The following CNOT10 variants were observed in gnomAD, a reference collection of about 807,000 sequenced individuals.
CNOT10 encodes CCR4-NOT transcription complex subunit 10.
CNOT10 carries 30 observed loss-of-function variants against 94.6 expected under a neutral mutation model. That is an observed-to-expected ratio of 0.32 (90% CI 0.24 to 0.43). CNOT10 has a LOEUF of 0.43. Among genes scored for constraint, CNOT10 ranks in the 20% least tolerant of loss-of-function variants. CNOT10 has a pLI of 1.00. For synonymous variants in CNOT10, 289 were observed against 301.6 expected (o/e 0.96, Z 0.43); for missense variants, 759 against 877.2 (o/e 0.87, Z 1.70).
At chr3:32,756,518 C>G (rs951620855) in intron 13 of CNOT10, among the ~76,000 whole-genome samples, 2 of 152,062 alleles carry the variant, frequency 1.3e-5, no homozygotes, top group African/African-American at 2.4e-5. Flanking sequence ...TCCCAGCAAG[C>G]CTGCCTGAAG....
At chr3:32,720,286 C>CTTGCT (rs1698311438) in intron 8 of CNOT10, 55 bp downstream of exon 8, 1 of 777,334 alleles carries the variant, frequency 1.3e-6, no homozygotes, top group East Asian at 2.5e-5. Flanking sequence ...TCTACCCCTT[C>CTTGCT]TTGCTTGTCC....
chr3:32,746,044 T>C (rs1559507082), intron 13 of CNOT10, among the ~76,000 whole-genome samples: 1 of 152,196 alleles, frequency 6.6e-6, no homozygotes, highest in Non-Finnish European at 1.5e-5. Flanking sequence ...TCTCAAAACA[T>C]TTTCCTGTTT....
chr3:32,730,541 T>C (rs995626270), intron 10 of CNOT10: 2 of 152,318 alleles, frequency 1.3e-5, no homozygotes, highest in African/African-American at 2.4e-5. Context: ...AAAAAAACTT[T>C]AGGGTAACCT....
chr3:32,700,696 G>GA (rs1459092540), intron 1 of CNOT10, among the ~76,000 whole-genome samples: 2 of 152,048 alleles, frequency 1.3e-5, no homozygotes, highest in Non-Finnish European at 2.9e-5. Context: ...AATTCTGTAT[G>GA]AAAAAAATTC....
At chr3:32,759,169 A>G (rs1700337120) in intron 13 of CNOT10, among the ~76,000 whole-genome samples, 1 of 151,428 alleles carries the variant, frequency 6.6e-6, no homozygotes, top group Admixed American at 6.6e-5. Flanking sequence ...ATCTATACAT[A>G]TATACATACA....
intron 6 of CNOT10, 97 bp downstream of exon 6, chr3:32,716,408 A>G: frequency 1.7e-6 from 1 of 597,126 alleles, no homozygotes; most frequent in Non-Finnish European, 3.0e-6. Context: ...GCAGTCAATA[A>G]TTCAAGGTGC....
intron 18 of CNOT10, among the ~76,000 whole-genome samples, chr3:32,771,278 GATC>G (rs1352629868): frequency 6.6e-6 from 1 of 151,558 alleles, no homozygotes; most frequent in Non-Finnish European, 1.5e-5. Context: ...AGTGAACTGA[GATC>G]ATGCCAGAAT....
At chr3:32,723,442 C>T (rs1035851828) in intron 8 of CNOT10, among the ~76,000 whole-genome samples, 6 of 149,940 alleles carry the variant, frequency 4.0e-5, no homozygotes, top group South Asian at 4.2e-4. Context: ...ACTTTCATTA[C>T]GCCAAAATAA....
intron 6 of CNOT10, 147 bp from the exon 7 acceptor site, chr3:32,717,007 A>G: frequency 1.8e-6 from 1 of 542,284 alleles, no homozygotes. Context: ...GTACAGTGAA[A>G]ATAGCATATT....
intron 11 of CNOT10, 113 bp from the exon 12 acceptor site, chr3:32,734,687 C>A: frequency 1.2e-6 from 1 of 847,172 alleles, no homozygotes; most frequent in East Asian, 2.5e-5. Flanking sequence ...AAATTTCTAC[C>A]TATCAAAAGG....
chr3:32,773,421 C>A, intron 18 of CNOT10, 36 bp from the exon 19 acceptor site: 1 of 1,590,824 alleles, frequency 6.3e-7, no homozygotes, highest in Non-Finnish European at 8.6e-7. Context: ...CAGTATTGTT[C>A]TGTGCTTTGT....
chr3:32,766,628 GT>G (rs1700658731), intron 17 of CNOT10, among the ~76,000 whole-genome samples: 1 of 130,684 alleles, frequency 7.7e-6, no homozygotes, highest in Non-Finnish European at 1.6e-5. Flanking sequence ...GCGGGACTCT[GT>G]CTCAAAAAAA....
intron 13 of CNOT10, among the ~76,000 whole-genome samples, chr3:32,746,189 A>G (rs893458875): frequency 2.0e-5 from 3 of 152,188 alleles, no homozygotes; most frequent in African/African-American, 7.2e-5. Flanking sequence ...AATTGACTGG[A>G]AAGAAATATA....
intron 15 of CNOT10, 47 bp from the exon 16 acceptor site, chr3:32,764,408 T>C: frequency 3.2e-6 from 5 of 1,584,262 alleles, no homozygotes; most frequent in Non-Finnish European, 4.3e-6. Context: ...AGAAAGAAAA[T>C]ATGCTCTGTT....
chr3:32,757,941 T>C (rs781453742), intron 13 of CNOT10, among the ~76,000 whole-genome samples: 5 of 152,258 alleles, frequency 3.3e-5, no homozygotes, highest in Non-Finnish European at 7.3e-5. Context: ...TATAAACTTA[T>C]GTTTGGATTA....
rs1222292137 is a variant in CNOT10 at position 32,712,163 on chromosome 3, G to T, written c.431-1064G>T. Among the ~76,000 whole-genome samples the T allele has an allele frequency of 4.4e-3, 621 of 141,064 alleles. 7 individuals are homozygous for T. The highest frequency in any genetic ancestry group is 0.013 in the African/African-American group (512 of 38,748). 92.5% of individuals were successfully genotyped at this position (141,064 alleles called of 152,430 possible). On this transcript the variant is annotated intron_variant, in intron 4 of 18. Transcript: ENST00000328834. ...TGCTTCTGTAATCAGGTGTTTGTTT[G>T]TTTTTTTTTTTTTTCCATCTCCATG...
intron 1 of CNOT10, among the ~76,000 whole-genome samples, chr3:32,690,597 AGTGCAGTG>A (rs1312673316): frequency 1.4e-4 from 21 of 151,410 alleles, no homozygotes; most frequent in East Asian, 7.8e-4. Context: ...CCCAGGCTGG[AGTGCAGTG>A]GTGCGATCTT....
In CNOT10 at chr3:32,769,496, A is replaced by G. The variant is rs750668956; in HGVS notation, c.2005-391A>G. 3.1e-5 allele frequency: 6 copies of G among 192,012 alleles called. No homozygotes were observed. In the South Asian group the frequency reaches 4.5e-4, roughly 14 times the overall value. The allele number at this position is 192,012 out of a possible 1,614,324, so 11.9% of individuals were successfully genotyped here. ...CGTGGTACGTTTTTTCTGTATTACT[A>G]TAAGTTTGAATTATTATTCCTGACA... On this transcript the variant is annotated intron_variant, in intron 17 of 18. Transcript: ENST00000328834.
rs148878323 is a variant in CNOT10 at position 32,708,776 on chromosome 3, C to G, written c.386C>G (p.Ala129Gly). Reference sequence around the variant, plus strand: ...TATCATCTGCGGCAGTATACAGAAGCCATATCAGTTGGTGAAAAACTTTAT... The same window carrying G: ...TATCATCTGCGGCAGTATACAGAAGGCATATCAGTTGGTGAAAAACTTTAT... ...ILYHLRQYTE[A>G]ISVGEKLYQF... Residue 129 changes from alanine (A) to glycine (G), a missense_variant, in exon 4 of 19, where the codon GCC becomes GGC. Physicochemically the swap from Ala to Gly is moderately conservative, Grantham distance 60. Coordinates refer to ENST00000328834, the MANE Select transcript of CNOT10 (RefSeq NM_015442.3). The G allele has an allele frequency of 1.4e-4, 230 of 1,612,856 alleles. No individual in the cohort carries two copies. The highest frequency in any genetic ancestry group is 1.8e-4 in the Non-Finnish European group (216 of 1,179,620).
Sources: gnomAD v4.1 joint callset for allele counts (sites outside exome capture counted in the v4.1 genomes callset) on GRCh38, gnomAD v4.1.1 for gene constraint, MANE v1.5 for transcripts, NCBI Gene and HGNC (gene_info 2026-07-23, HGNC 2026-07-21) for gene names.